LGMN: variants seen among roughly 807,000 people sequenced by gnomAD.
The protein encoded by LGMN is legumain.
LGMN carries 36 observed loss-of-function variants against 56.8 expected under a neutral mutation model. That is an observed-to-expected ratio of 0.63 (90% CI 0.49 to 0.84). The LOEUF is 0.84. Among genes scored for constraint, LGMN ranks in the 40% least tolerant of loss-of-function variants. The pLI is 0.00. For synonymous variants in LGMN, 199 were observed against 210.1 expected, an observed-to-expected ratio of 0.95 and a Z score of 0.46; for missense variants, 446 against 556.1, an observed-to-expected ratio of 0.80 and a Z score of 1.99.
intron 1 of LGMN, among the ~76,000 whole-genome samples, chr14:92,742,344 A>G (rs1329153139): frequency 7.2e-6 from 1 of 138,444 alleles, no homozygotes; most frequent in African/African-American, 2.8e-5. Context: ...GTCGTCCAGA[A>G]TGGAGTGCAA....
chr14:92,723,973 C>A (rs1890622305), intron 2 of LGMN, among the ~76,000 whole-genome samples: 2 of 152,094 alleles, frequency 1.3e-5, no homozygotes, highest in African/African-American at 4.8e-5. Flanking sequence ...CTCAAGTGAT[C>A]CATCCGCCTT....
At chr14:92,724,375 C>T (rs1218746218) in intron 2 of LGMN, among the ~76,000 whole-genome samples, 1 of 152,204 alleles carries the variant, frequency 6.6e-6, no homozygotes, top group East Asian at 1.9e-4. Context: ...GCCTCCTCAT[C>T]AGGCTGTGAC....
rs1889804436 is a variant in LGMN, at chr14:92,711,953, A to C, written c.613T>G (p.Tyr205Asp). The change falls in exon 9 of 14, where the codon TAT becomes GAT. Residue 205 changes from tyrosine to aspartate, a missense_variant and splice_region_variant. By Grantham distance (160) the Tyr-to-Asp change is radical. Transcript: ENST00000334869. ...MNHLPDNINV[Y>D]ATTAANPRES... Reference sequence around the variant, plus strand: ...CTGGGGTTGGCAGCAGTAGTTGCATAAACTACGAGGAATTAAAGATGATCT... The same window carrying C: ...CTGGGGTTGGCAGCAGTAGTTGCATCAACTACGAGGAATTAAAGATGATCT... 1 of 1,598,962 alleles carries C rather than the reference A, an allele frequency of 6.3e-7. No individual in the cohort carries two copies. Among genetic ancestry groups the C allele is most frequent in the Admixed American group, 1.7e-5 (1 of 59,970 alleles).
In LGMN at chr14:92,712,090, C is replaced by T. The variant is rs879553713; in HGVS notation, c.611-135G>A. On this transcript the variant is annotated intron_variant, in intron 8 of 13. Transcript: ENST00000334869. The stretch of plus-strand genomic sequence containing the variant: ...TGATCCACACAGGAGGGCAGGGACA[C>T]GTAACTATACCCAGACTTGTGTATT... 3.5e-5 allele frequency: 24 copies of T among 680,406 alleles called. No individual in the cohort carries two copies. In the East Asian group the frequency reaches 3.6e-4, roughly 10 times the overall value. 42.1% of individuals were successfully genotyped at this position (680,406 alleles called of 1,614,324 possible).
chr14:92,706,985 C>T (rs1889464507), intron 11 of LGMN, among the ~76,000 whole-genome samples: 1 of 152,176 alleles, frequency 6.6e-6, no homozygotes, highest in Non-Finnish European at 1.5e-5. Flanking sequence ...CCACGGGCAC[C>T]TCTGCCCATT....
intron 10 of LGMN, among the ~76,000 whole-genome samples, chr14:92,710,921 G>T (rs534138541): frequency 1.3e-5 from 2 of 152,328 alleles, no homozygotes; most frequent in Admixed American, 6.5e-5. Context: ...AACCATGGCT[G>T]GATTTACTGA....
chr14:92,722,825 G>A (rs1890548001), intron 2 of LGMN, among the ~76,000 whole-genome samples: 1 of 152,140 alleles, frequency 6.6e-6, no homozygotes, highest in African/African-American at 2.4e-5. Flanking sequence ...CAAATTGTTA[G>A]TCAGCACATG....
At chr14:92,727,291 G>A (rs1000966732) in intron 2 of LGMN, among the ~76,000 whole-genome samples, 17 of 151,986 alleles carry the variant, frequency 1.1e-4, no homozygotes, top group African/African-American at 2.7e-4. Context: ...TTAGCCAGGC[G>A]TGGTGGCAGG....
rs995021913 is a variant in LGMN, at chr14:92,748,618, T to G, written c.-159A>C. 5 of 153,016 alleles carry G rather than the reference T, an allele frequency of 3.3e-5. No homozygotes were observed. Among genetic ancestry groups the G allele is most frequent in the African/African-American group, 1.2e-4 (5 of 41,452 alleles). 9.5% of individuals were successfully genotyped at this position (153,016 alleles called of 1,614,324 possible). A position where few individuals can be genotyped will look rare whatever the true frequency, so the allele number is the denominator to read the frequency against. On this transcript the variant is annotated 5_prime_UTR_variant, in exon 1 of 14. Coordinates refer to ENST00000334869, the MANE Select transcript of LGMN (RefSeq NM_005606.7). ...CACCAAACACCCACGACGTCGGCAC[T>G]GCTGTGATTGCTGCGGGCGCCGCCG...
chr14:92,720,872 T>C (rs1321707086), intron 2 of LGMN, among the ~76,000 whole-genome samples: 1 of 151,962 alleles, frequency 6.6e-6, no homozygotes, highest in Non-Finnish European at 1.5e-5. Context: ...CCCAATGTCA[T>C]TTTTGTTTAT....
At chr14:92,730,533 C>T (rs1890998947) in intron 2 of LGMN, among the ~76,000 whole-genome samples, 1 of 152,180 alleles carries the variant, frequency 6.6e-6, no homozygotes, top group Non-Finnish European at 1.5e-5. Flanking sequence ...CTCAAGCAAT[C>T]CTCCCACTTC....
At chr14:92,720,541 C>T (rs889491302) in intron 2 of LGMN, among the ~76,000 whole-genome samples, 5 of 152,172 alleles carry the variant, frequency 3.3e-5, no homozygotes, top group African/African-American at 1.2e-4. Flanking sequence ...GTGGTGCATG[C>T]GTGTAATCCT....
chr14:92,728,569 T>A (rs1197758386), intron 2 of LGMN, among the ~76,000 whole-genome samples: 3 of 152,236 alleles, frequency 2.0e-5, no homozygotes, highest in African/African-American at 7.2e-5. Flanking sequence ...AACAAACTTG[T>A]TATACGGCGC....
chr14:92,711,795 C>T (rs1047754216), intron 9 of LGMN, 42 bp downstream of exon 9: 18 of 1,609,484 alleles, frequency 1.1e-5, no homozygotes, highest in Non-Finnish European at 1.4e-5. Flanking sequence ...CAGAGTCTGA[C>T]GGTTAAACCC....
intron 2 of LGMN, among the ~76,000 whole-genome samples, chr14:92,731,960 T>C (rs1714875147): frequency 6.6e-6 from 1 of 152,168 alleles, no homozygotes; most frequent in Non-Finnish European, 1.5e-5. Flanking sequence ...CTTTTCTTCT[T>C]CTCTCTACCT....
intron 2 of LGMN, among the ~76,000 whole-genome samples, chr14:92,722,992 C>T (rs562570518): frequency 2.0e-4 from 31 of 152,132 alleles, no homozygotes; most frequent in African/African-American, 7.0e-4. Flanking sequence ...TGGAAACGAG[C>T]GTTATAGTTT....
rs1566921215 is a variant in LGMN, at chr14:92,716,124, A to T, written c.404+12T>A. 2 of 1,583,524 alleles carry T rather than the reference A, an allele frequency of 1.3e-6. No individual in the cohort carries two copies. Among genetic ancestry groups the T allele is most frequent in the Non-Finnish European group, 1.7e-6 (2 of 1,156,106 alleles). ...CATTGAGAGAAGTGTAGTATCCGTA[A>T]ACAGACATTACCTCTTCAGGACTTT... On this transcript the variant is annotated intron_variant, in intron 5 of 13. Coordinates refer to ENST00000334869, the MANE Select transcript of LGMN (RefSeq NM_005606.7).
chr14:92,717,651 A>C (rs1188259557), intron 3 of LGMN, among the ~76,000 whole-genome samples, 190 bp from the exon 4 acceptor site: 1 of 152,208 alleles, frequency 6.6e-6, no homozygotes, highest in African/African-American at 2.4e-5. Flanking sequence ...CCACAGCCCA[A>C]GAGCTCTTGG....
At chr14:92,712,047 A>G (rs948919528) in intron 8 of LGMN, 92 bp from the exon 9 acceptor site, 7 of 973,226 alleles carry the variant, frequency 7.2e-6, no homozygotes, top group Non-Finnish European at 9.8e-6. Context: ...CCCCGGTGAA[A>G]TCGAAGCATG....
Sources: allele counts gnomAD v4.1 joint callset (sites outside exome capture counted in the v4.1 genomes callset), GRCh38; gene constraint gnomAD v4.1.1; transcripts MANE v1.5; gene names NCBI Gene and HGNC (gene_info 2026-07-23, HGNC 2026-07-21).